The following ESPNL variants were observed in gnomAD, a reference collection of about 807,000 sequenced individuals.
ESPNL encodes espin-like protein.
ESPNL carries 49 observed loss-of-function variants against 46.8 expected under a neutral mutation model. That is an observed-to-expected ratio of 1.05 (90% CI 0.83 to 1.33). ESPNL has a LOEUF of 1.33. Among genes scored for constraint, ESPNL ranks in the 40% most tolerant of loss-of-function variants. The pLI, the probability that ESPNL is intolerant of heterozygous loss-of-function variation, is 0.00. For synonymous variants in ESPNL, 664 were observed against 662.1 expected (o/e 1.00, Z -0.04); for missense variants, 1,540 against 1,436.6 (o/e 1.07, Z -1.16).
chr2:238,127,779 C>T, intron 7 of ESPNL, 45 bp downstream of exon 7: 6 of 1,464,528 alleles, frequency 4.1e-6, no homozygotes, highest in Non-Finnish European at 4.7e-6. Context: ...GGCCCCTAGC[C>T]AGCCTCCATT....
chr2:238,116,869 G>T (rs369913533), intron 4 of ESPNL, 34 bp from the exon 5 acceptor site: 1 of 1,607,448 alleles, frequency 6.2e-7, no homozygotes, highest in Non-Finnish European at 8.5e-7. Context: ...GGTTTGTGTC[G>T]TGGTGGGTCA....
rs902015732 is a variant in ESPNL, at chr2:238,114,196, T to C, written c.856-2707T>C. 6.6e-6 allele frequency among the ~76,000 whole-genome samples: 1 copy of C among 152,150 alleles called. No homozygotes were observed. The highest frequency in any genetic ancestry group is 1.5e-5 in the Non-Finnish European group (1 of 68,014). On this transcript the variant is annotated intron_variant, in intron 4 of 8. Transcript: ENST00000343063. This position sits in a 1 kb window ranked among gnomAD's most constrained non-coding sequence, Gnocchi z 5.0. Reference sequence around the variant, plus strand: ...CCTCTGCTGACAATCCCAGCGGTGATGGGGTCCGTCACTCTGGGGGAGAGG... The same window carrying C: ...CCTCTGCTGACAATCCCAGCGGTGACGGGGTCCGTCACTCTGGGGGAGAGG...
In ESPNL at chr2:238,131,531, T is replaced by G. The variant is rs1363963684; in HGVS notation, c.2817T>G (p.Pro939=). 6.2e-7 allele frequency: 1 copy of G among 1,611,484 alleles called. No homozygotes were observed. The highest frequency in any genetic ancestry group is 1.7e-5 in the Admixed American group (1 of 59,910). Residue 939 remains proline, a synonymous_variant, in exon 9 of 9, where the codon CCT becomes CCG. Coordinates refer to ENST00000343063, the MANE Select transcript of ESPNL (RefSeq NM_194312.4). The part of the protein sequence containing the change: ...SSQRPAWDTE[P]GRKSGLTLLG... ...AGCGTCCCGCCTGGGATACGGAGCC[T>G]GGCCGCAAGTCAGGTCTGACCCTGC...
Position 238,128,892 on chromosome 2 carries a change from C to A in ESPNL, c.1401C>A (p.Ser467=). Residue 467 remains serine (S), a synonymous_variant, in exon 8 of 9, where the codon TCC becomes TCA. Transcript: ENST00000343063. ...KLQARLGAES[S]AEAQDNGGSS... is the part of the protein sequence containing the mutation. ...AGGCGCGCCTGGGCGCAGAGAGCTC[C>A]GCAGAGGCCCAGGTAGGCCCCCGGC... The A allele has an allele frequency of 1.3e-6, 2 of 1,541,624 alleles. No homozygotes were observed. The highest frequency in any genetic ancestry group is 1.7e-6 in the Non-Finnish European group (2 of 1,145,714).
intron 4 of ESPNL, among the ~76,000 whole-genome samples, chr2:238,113,226 G>A (rs181456229): frequency 1.2e-3 from 178 of 152,030 alleles, no homozygotes; most frequent in South Asian, 4.2e-3. Context: ...CTTTGCTTTC[G>A]GCCTTCTGAA....
At chr2:238,118,221 GA>G in intron 5 of ESPNL, among the ~76,000 whole-genome samples, 1 of 143,400 alleles carries the variant, frequency 7.0e-6, no homozygotes, top group Non-Finnish European at 1.5e-5. Flanking sequence ...TGGAGCAGCA[GA>G]TGGATGGAGG....
chr2:238,106,098 G>T (rs1025901521), intron 3 of ESPNL, among the ~76,000 whole-genome samples: 4 of 152,200 alleles, frequency 2.6e-5, no homozygotes, highest in African/African-American at 9.7e-5. Context: ...CACACGGCGT[G>T]TCTGACTCCT....
chr2:238,108,066 G>A (rs896824172), intron 4 of ESPNL, 93 bp downstream of exon 4: 1 of 1,199,420 alleles, frequency 8.3e-7, no homozygotes, highest in Non-Finnish European at 1.2e-6. Flanking sequence ...CCCTGTAAGA[G>A]TGATGACCCT....
chr2:238,126,048 CTGTG>C (rs138794391), intron 6 of ESPNL, among the ~76,000 whole-genome samples: 18,255 of 147,238 alleles, frequency 0.12, 1,232 homozygotes, highest in South Asian at 0.28. Context: ...GTGATTATGT[CTGTG>C]TGTATGTGTG....
intron 2 of ESPNL, among the ~76,000 whole-genome samples, chr2:238,104,360 C>T (rs1212856727): frequency 2.0e-5 from 3 of 152,188 alleles, no homozygotes; most frequent in Non-Finnish European, 2.9e-5. Flanking sequence ...TCCTGGGCCT[C>T]CACTGGGACA....
At chr2:238,109,395 T>C (rs2106466828) in intron 4 of ESPNL, among the ~76,000 whole-genome samples, 1 of 152,366 alleles carries the variant, frequency 6.6e-6, no homozygotes, top group Admixed American at 6.5e-5. Flanking sequence ...TACTGTGGAA[T>C]TCAAAACACA....
chr2:238,101,972 A>C lies in ESPNL; in HGVS notation c.326A>C (p.His109Pro), dbSNP rs1574724990. Residue 109 changes from histidine (H) to proline (P), a missense_variant, in exon 2 of 9, where the codon CAC (histidine) becomes CCC (proline). Transcript: ENST00000343063. ...DQDASGVSPL[H>P]LAARFGHPVL... ...GATGCCTCGGGCGTCTCCCCGCTGC[A>C]CCTGGCCGCCCGTTTTGGACACCCA... The C allele has an allele frequency of 1.2e-6, 2 of 1,610,060 alleles. No individual in the cohort carries two copies. The highest frequency in any genetic ancestry group is 1.7e-6 in the Non-Finnish European group (2 of 1,179,546).
At chr2:238,119,549 GTGGATGAAGGAGGAA>G (rs1322411571) in intron 5 of ESPNL, among the ~76,000 whole-genome samples, 18 of 125,180 alleles carry the variant, frequency 1.4e-4, no homozygotes, top group East Asian at 5.4e-4. Flanking sequence ...GATGGAGGAG[GTGGATGAAGGAGGAA>G]TGGATGGAGG....
intron 5 of ESPNL, among the ~76,000 whole-genome samples, chr2:238,124,725 G>T (rs1692064138): frequency 6.6e-6 from 1 of 151,008 alleles, no homozygotes; most frequent in Admixed American, 6.6e-5. Context: ...GTACGTGCAT[G>T]TGTGCAGGAG....
rs550687242 is a variant in ESPNL, at chr2:238,128,929, C to T, written c.1413+25C>T. The T allele has an allele frequency of 1.8e-5, 27 of 1,524,578 alleles. No individual in the cohort carries two copies. The East Asian group carries it at 5.9e-4, about 33-fold the overall frequency. 94.4% of individuals were successfully genotyped at this position (1,524,578 alleles called of 1,614,324 possible). ...GGTAGGCCCCCGGCAGGGGCGGGAC[C>T]AGTGGGCGGGGCGGGGCCTTTTCCA... On this transcript the variant is annotated intron_variant, in intron 8 of 8. Transcript: ENST00000343063.
At chr2:238,102,430 C>T (rs1691506036) in intron 2 of ESPNL, among the ~76,000 whole-genome samples, 2 of 152,266 alleles carry the variant, frequency 1.3e-5, no homozygotes, top group South Asian at 4.1e-4. Flanking sequence ...CAGGGCAGCT[C>T]TGGCCCCACC....
chr2:238,129,855 A>G (rs559337054), intron 8 of ESPNL, among the ~76,000 whole-genome samples: 5 of 152,382 alleles, frequency 3.3e-5, no homozygotes, highest in Admixed American at 2.6e-4. Flanking sequence ...CCATCGTCTC[A>G]GGACTGTGGG....
intron 3 of ESPNL, among the ~76,000 whole-genome samples, chr2:238,105,681 G>C (rs1032416409): frequency 6.6e-6 from 1 of 152,074 alleles, no homozygotes; most frequent in Non-Finnish European, 1.5e-5. Flanking sequence ...CATGGGGCCC[G>C]GGGGCGGGCA....
chr2:238,111,612 A>G (rs1372265216), intron 4 of ESPNL, among the ~76,000 whole-genome samples: 1 of 152,238 alleles, frequency 6.6e-6, no homozygotes, highest in African/African-American at 2.4e-5. Flanking sequence ...GTAACGCATC[A>G]GAATTTCCTT....
Sources: allele counts gnomAD v4.1 joint callset (sites outside exome capture counted in the v4.1 genomes callset), GRCh38; gene constraint gnomAD v4.1.1; non-coding constraint Gnocchi (gnomAD v3.1); transcripts MANE v1.5; gene names NCBI Gene and HGNC (gene_info 2026-07-23, HGNC 2026-07-21).